The following EVI5 variants were observed in gnomAD, a reference collection of about 807,000 sequenced individuals.
EVI5 encodes ecotropic viral integration site 5 protein homolog.
A neutral mutation model predicts 112.0 loss-of-function variants in EVI5; 73 were observed. The observed-to-expected ratio is 0.65, with a 90% CI of 0.54 to 0.79. EVI5 has a LOEUF of 0.79. Ranked by LOEUF, EVI5 falls within the 30% of genes least tolerant of loss-of-function variation. EVI5 has a pLI of 0.00. For missense variants in EVI5, 900 were observed against 968.8 expected (o/e 0.93, Z 0.94); for synonymous variants, 305 against 319.9 (o/e 0.95, Z 0.50).
chr1:92,548,743 A>C (rs1666251831), intron 19 of EVI5, among the ~76,000 whole-genome samples: 2 of 152,226 alleles, frequency 1.3e-5, no homozygotes, highest in South Asian at 2.1e-4. Flanking sequence ...ACTCCTATTC[A>C]CTATTGCTTC....
intron 9 of EVI5, among the ~76,000 whole-genome samples, chr1:92,684,435 C>T (rs1250836004): frequency 6.6e-6 from 1 of 152,108 alleles, no homozygotes; most frequent in Admixed American, 6.6e-5. Context: ...CTGGTGCCAG[C>T]CACTGCAAAA....
intron 19 of EVI5, among the ~76,000 whole-genome samples, chr1:92,535,770 G>C (rs938122510): frequency 7.9e-5 from 12 of 152,072 alleles, no homozygotes; most frequent in Admixed American, 1.3e-4. Context: ...GGGGTGGGGG[G>C]CTAGGGGAGG....
At chr1:92,597,343 T>C (rs552130541) in intron 18 of EVI5, among the ~76,000 whole-genome samples, 2 of 152,222 alleles carry the variant, frequency 1.3e-5, no homozygotes, top group Non-Finnish European at 2.9e-5. Context: ...CTAAAGCATA[T>C]GTGAGGATAG....
intron 11 of EVI5, 104 bp from the exon 12 acceptor site, chr1:92,663,556 G>A: frequency 1.9e-6 from 1 of 521,046 alleles, no homozygotes; most frequent in Non-Finnish European, 3.3e-6. Flanking sequence ...ACTTTTCATT[G>A]CTAATTAAAA....
chr1:92,731,326 C>T (rs1219755834), intron 2 of EVI5, among the ~76,000 whole-genome samples: 2 of 151,680 alleles, frequency 1.3e-5, no homozygotes, highest in African/African-American at 4.8e-5. Context: ...TTCAAAAAAA[C>T]AAAAAAAGAA....
At chr1:92,608,227 G>C (rs904281872) in intron 16 of EVI5, among the ~76,000 whole-genome samples, 42 of 151,852 alleles carry the variant, frequency 2.8e-4, no homozygotes, top group Non-Finnish European at 5.4e-4. Flanking sequence ...GTCAATATTA[G>C]AGACTCTCAA....
chr1:92,663,464 A>C lies in EVI5; in HGVS notation c.1213-12T>G. On this transcript the variant is annotated splice_polypyrimidine_tract_variant and intron_variant, in intron 11 of 19. Transcript: ENST00000684568. The stretch of plus-strand genomic sequence containing the variant: ...AAGGAAGCACTTTCCTACAAAAGGA[A>C]AAATTCAGATAGAAATATAAGAGAA... The C allele has an allele frequency of 1.5e-6, 2 of 1,337,756 alleles. No homozygotes were observed. Among genetic ancestry groups the C allele is most frequent in the Non-Finnish European group, 2.0e-6 (2 of 989,240 alleles). The allele number at this position is 1,337,756 out of a possible 1,614,324, so 82.9% of individuals were successfully genotyped here.
intron 14 of EVI5, among the ~76,000 whole-genome samples, chr1:92,630,622 T>C (rs1048591082): frequency 2.0e-5 from 3 of 151,844 alleles, no homozygotes; most frequent in African/African-American, 7.2e-5. Flanking sequence ...GTAGGTTGCC[T>C]GTTCACTCTG....
At chr1:92,519,081 G>C (rs570754032) in intron 19 of EVI5, among the ~76,000 whole-genome samples, 27 of 152,176 alleles carry the variant, frequency 1.8e-4, no homozygotes, top group African/African-American at 6.5e-4. Flanking sequence ...TCAATCATGA[G>C]ATGTAGAATC....
At chr1:92,764,701 C>G (rs1027274801) in intron 1 of EVI5, among the ~76,000 whole-genome samples, 1 of 152,152 alleles carries the variant, frequency 6.6e-6, no homozygotes, top group East Asian at 1.9e-4. Flanking sequence ...CTTTAACCAG[C>G]CATTTAATCT....
intron 13 of EVI5, among the ~76,000 whole-genome samples, chr1:92,644,140 C>G (rs1472446894): frequency 6.6e-6 from 1 of 152,148 alleles, no homozygotes; most frequent in East Asian, 1.9e-4. Flanking sequence ...ATAGCTTTTA[C>G]AAGGGAGAGA....
At chr1:92,525,813 T>C (rs372851306) in intron 19 of EVI5, among the ~76,000 whole-genome samples, 3 of 152,236 alleles carry the variant, frequency 2.0e-5, no homozygotes, top group African/African-American at 7.2e-5. Context: ...ATTAGAACAG[T>C]AGGAAAGTTT....
intron 13 of EVI5, 83 bp downstream of exon 13, chr1:92,662,636 C>A: frequency 1.1e-6 from 1 of 898,054 alleles, no homozygotes; most frequent in Admixed American, 5.0e-5. Flanking sequence ...AAAACAACAG[C>A]ACAAAATCTG....
intron 1 of EVI5, among the ~76,000 whole-genome samples, chr1:92,770,583 G>A (rs1330579472): frequency 2.0e-5 from 3 of 152,108 alleles, no homozygotes; most frequent in African/African-American, 7.2e-5. Context: ...GAGGTCAGGA[G>A]ATCAAGACCA....
At chr1:92,774,881 C>T (rs567090449) in intron 1 of EVI5, among the ~76,000 whole-genome samples, 1 of 152,272 alleles carries the variant, frequency 6.6e-6, no homozygotes, top group Admixed American at 6.5e-5. Flanking sequence ...ACATACCAGG[C>T]TAGTAGCAAT....
intron 1 of EVI5, among the ~76,000 whole-genome samples, chr1:92,770,975 C>T (rs946127326): frequency 7.9e-5 from 12 of 151,366 alleles, no homozygotes; most frequent in African/African-American, 2.9e-4. Flanking sequence ...GACACCACTC[C>T]CGGCTAATTT....
chr1:92,714,264 G>T, intron 2 of EVI5: 1 of 361,478 alleles, frequency 2.8e-6, no homozygotes, highest in Non-Finnish European at 3.9e-6. Context: ...ATATTTTCAT[G>T]TTTCTTAAAT....
chr1:92,641,056 C>G (rs1002427234), intron 13 of EVI5, among the ~76,000 whole-genome samples: 1 of 152,042 alleles, frequency 6.6e-6, no homozygotes, highest in African/African-American at 2.4e-5. Context: ...ACAACACACA[C>G]CAGGGCCTGT....
intron 13 of EVI5, among the ~76,000 whole-genome samples, chr1:92,655,610 T>C (rs1457739184): frequency 1.3e-5 from 2 of 151,830 alleles, no homozygotes; most frequent in African/African-American, 4.8e-5. Flanking sequence ...TAATACAGAC[T>C]GAAGGAAAAA....
Sources: allele counts gnomAD v4.1 joint callset (sites outside exome capture counted in the v4.1 genomes callset), GRCh38; gene constraint gnomAD v4.1.1; transcripts MANE v1.5; gene names NCBI Gene and HGNC (gene_info 2026-07-23, HGNC 2026-07-21).